Variants in UBE2F observed in about 807,000 individuals in gnomAD.
The protein encoded by UBE2F is NEDD8-conjugating enzyme UBE2F.
UBE2F carries 5 observed loss-of-function variants against 29.6 expected under a neutral mutation model. The ratio of observed to expected loss-of-function variants is 0.17; its 90% confidence interval spans 0.09 to 0.36. The LOEUF is 0.36. Ranked by LOEUF, UBE2F falls within the 10% of genes least tolerant of loss-of-function variation. The pLI is 1.00. For missense variants in UBE2F, 141 were observed against 228.5 expected (o/e 0.62, Z 2.47); for synonymous variants, 66 against 81.8 (o/e 0.81, Z 1.04).
chr2:238,006,759 C>CTTTTTTTTTTT lies in UBE2F; in HGVS notation c.215-9800_215-9790dup, dbSNP rs60514924. On this transcript the variant is annotated intron_variant, in intron 4 of 9. Transcript: ENST00000272930. ...TTGGCTTGTTCCTTTTTTCTTTTTTCTTTTTTTTTTTTTTTTTGAGAGTTT... is the reference window on the plus strand; with the variant it reads ...TTGGCTTGTTCCTTTTTTCTTTTTTCTTTTTTTTTTTTTTTTTTTTTTTTTTTTGAGAGTTT... Among the ~76,000 whole-genome samples the CTTTTTTTTTTT allele has an allele frequency of 5.7e-4, 72 of 125,556 alleles. 1 individual carries two copies. Among genetic ancestry groups the CTTTTTTTTTTT allele is most frequent in the African/African-American group, 2.0e-3 (69 of 34,216 alleles). The allele number at this position is 125,556 out of a possible 152,430, so 82.4% of individuals were successfully genotyped here. A position where few individuals can be genotyped will look rare whatever the true frequency, so the allele number is the denominator to read the frequency against.
chr2:237,994,668 C>T (rs10203101), intron 3 of UBE2F, 76 bp from the exon 4 acceptor site: 979,932 of 1,174,546 alleles, frequency 0.83, 410,300 homozygotes, highest in East Asian at 0.98. Flanking sequence ...TAACTTTACA[C>T]GTGTTCAAAG....
chr2:238,005,259 G>A (rs950801513), intron 4 of UBE2F, among the ~76,000 whole-genome samples: 3 of 152,042 alleles, frequency 2.0e-5, no homozygotes, highest in African/African-American at 7.2e-5. Context: ...GCAGTGTCAC[G>A]ATCATGGCTC....
At chr2:238,039,078 T>TA (rs1195067578) in intron 9 of UBE2F, among the ~76,000 whole-genome samples, 1 of 151,806 alleles carries the variant, frequency 6.6e-6, no homozygotes, top group African/African-American at 2.4e-5. Context: ...CTAGTAAAAA[T>TA]AAAAAAATTA....
intron 8 of UBE2F, among the ~76,000 whole-genome samples, chr2:238,034,862 A>G (rs1254424950): frequency 6.6e-6 from 1 of 152,036 alleles, no homozygotes; most frequent in Non-Finnish European, 1.5e-5. Context: ...ATGACTCATC[A>G]TAAGGACAAA....
At chr2:238,031,827 G>A (rs1368856687) in intron 7 of UBE2F, among the ~76,000 whole-genome samples, 2 of 152,248 alleles carry the variant, frequency 1.3e-5, no homozygotes. Flanking sequence ...GGCAGTAGAT[G>A]TAAAAACAAC....
At chr2:237,987,082 T>C (rs1248108837) in intron 2 of UBE2F, among the ~76,000 whole-genome samples, 2 of 152,218 alleles carry the variant, frequency 1.3e-5, no homozygotes, top group Non-Finnish European at 2.9e-5. Flanking sequence ...CTTTGGGTAG[T>C]ATGGACATTT....
intron 4 of UBE2F, among the ~76,000 whole-genome samples, chr2:238,006,246 T>C (rs1385742951): frequency 1.3e-5 from 2 of 152,156 alleles, no homozygotes; most frequent in Admixed American, 1.3e-4. Context: ...AACCAACTCT[T>C]GCATGAACTA....
At chr2:237,971,767 A>T (rs1273350305) in intron 1 of UBE2F, among the ~76,000 whole-genome samples, 1 of 137,784 alleles carries the variant, frequency 7.3e-6, no homozygotes, top group Non-Finnish European at 1.6e-5. Context: ...GTGGGATCAT[A>T]ATGTAAGCTG....
At chr2:237,971,782 C>CT (rs1576585081) in intron 1 of UBE2F, among the ~76,000 whole-genome samples, 2 of 140,388 alleles carry the variant, frequency 1.4e-5, no homozygotes, top group East Asian at 4.8e-4. Context: ...AAGCTGTGGA[C>CT]TTTGAGTTAT....
intron 4 of UBE2F, chr2:238,003,363 C>G (rs1409785080): frequency 8.5e-6 from 4 of 471,020 alleles, no homozygotes; most frequent in Non-Finnish European, 1.8e-5. Flanking sequence ...CTTGCTCCTT[C>G]CAAGAATTTG....
chr2:237,968,121 A>G (rs142821150), intron 1 of UBE2F, among the ~76,000 whole-genome samples: 191 of 152,294 alleles, frequency 1.3e-3, no homozygotes, highest in Non-Finnish European at 2.3e-3. Context: ...GTGAAGGAAC[A>G]AAGAGGAAAC....
rs1353660118 is a variant in UBE2F, at chr2:237,994,746, A to C, written c.151A>C (p.Thr51Pro). ...VAELEANLPCTCKVHFPDPNK... is the reference protein window; with the variant it reads ...VAELEANLPCPCKVHFPDPNK... ...CTGATGTGCTGTTTCTTTTGCAGGTACATGTAAAGTGCATTTTCCTGATCC... is the reference window on the plus strand; with the variant it reads ...CTGATGTGCTGTTTCTTTTGCAGGTCCATGTAAAGTGCATTTTCCTGATCC... The change falls in exon 4 of 10, where the codon ACA (threonine) becomes CCA (proline). Residue 51 changes from threonine (T) to proline (P), a missense_variant and splice_region_variant. Physicochemically the swap from Thr to Pro is conservative, Grantham distance 38 (BLOSUM62 -1). Coordinates refer to ENST00000272930, the MANE Select transcript of UBE2F (RefSeq NM_080678.3). The C allele has an allele frequency of 6.2e-7, 1 of 1,613,992 alleles. No individual in the cohort carries two copies. Among genetic ancestry groups the C allele is most frequent in the Admixed American group, 1.7e-5 (1 of 60,022 alleles).
rs987070339 is a variant in UBE2F at position 238,029,307 on chromosome 2, G to A, written c.354-1249G>A. On this transcript the variant is annotated intron_variant, in intron 6 of 9. Coordinates refer to ENST00000272930, the MANE Select transcript of UBE2F (RefSeq NM_080678.3). ...AAAATAAAAAAAAAAACCCAGTTAC[G>A]GCTGGGCGTGGTGGCTCACGCCTGT... Among the ~76,000 whole-genome samples the A allele has an allele frequency of 7.9e-5, 12 of 151,814 alleles. 1 individual carries two copies. The South Asian group carries it at 1.0e-3, about 13-fold the overall frequency.
At chr2:238,026,731 C>A (rs771590837) in intron 6 of UBE2F, among the ~76,000 whole-genome samples, 3 of 152,192 alleles carry the variant, frequency 2.0e-5, no homozygotes, top group Non-Finnish European at 2.9e-5. Context: ...CCGCGCCGGG[C>A]CGGATGCCTT....
rs114910273 is a variant in UBE2F, at chr2:237,982,144, C to T, written c.119-5819C>T. 1.8e-3 allele frequency among the ~76,000 whole-genome samples: 277 copies of T among 152,296 alleles called. No homozygotes were observed. The highest frequency in any genetic ancestry group is 6.4e-3 in the African/African-American group (264 of 41,562). Reference sequence around the variant, plus strand: ...CCTGACAAAGCTGTCAAATGTCAAACCAGCAAAACACTCCCCGAGTGGCGA... The same window carrying T: ...CCTGACAAAGCTGTCAAATGTCAAATCAGCAAAACACTCCCCGAGTGGCGA... On this transcript the variant is annotated intron_variant, in intron 2 of 9. Transcript: ENST00000272930. This position sits in a 1 kb window ranked among gnomAD's most constrained non-coding sequence, Gnocchi z 4.1.
At chr2:237,987,928 G>A (rs757614213) in intron 2 of UBE2F, 35 bp from the exon 3 acceptor site, 1 of 1,242,282 alleles carries the variant, frequency 8.0e-7, no homozygotes. Context: ...TGGAGTAATT[G>A]ACTAATATTA....
At chr2:237,985,112 GC>G (rs1262402556) in intron 2 of UBE2F, among the ~76,000 whole-genome samples, 3 of 152,138 alleles carry the variant, frequency 2.0e-5, no homozygotes, top group Non-Finnish European at 4.4e-5. Context: ...GGGATTACAG[GC>G]ATTAGCCACA....
chr2:237,980,389 C>G (rs893759185), intron 2 of UBE2F, among the ~76,000 whole-genome samples: 9 of 152,242 alleles, frequency 5.9e-5, no homozygotes, highest in Non-Finnish European at 1.2e-4. Context: ...AGCTCTCTTC[C>G]TGGCTTGCAG....
In UBE2F at chr2:237,973,239, G is replaced by T. The variant is rs749859580; in HGVS notation, c.118+14G>T. The T allele has an allele frequency of 8.7e-6, 14 of 1,611,068 alleles. No homozygotes were observed. Among genetic ancestry groups the T allele is most frequent in the Non-Finnish European group, 1.1e-5 (13 of 1,177,486 alleles). ...TGCTTGTTAAAGGTAATGATCATTCGTGTGAACTGTTTTTATATCCTATAA... is the reference window on the plus strand; with the variant it reads ...TGCTTGTTAAAGGTAATGATCATTCTTGTGAACTGTTTTTATATCCTATAA... On this transcript the variant is annotated intron_variant, in intron 2 of 9. Coordinates refer to ENST00000272930, the MANE Select transcript of UBE2F (RefSeq NM_080678.3).
Sources: allele counts gnomAD v4.1 joint callset (sites outside exome capture counted in the v4.1 genomes callset), GRCh38; gene constraint gnomAD v4.1.1; non-coding constraint Gnocchi (gnomAD v3.1); transcripts MANE v1.5; gene names NCBI Gene and HGNC (gene_info 2026-07-23, HGNC 2026-07-21).